Variants in CNTN5 observed in about 807,000 individuals in gnomAD.
CNTN5 encodes the protein contactin 5, also known as contactin-5.
Under a neutral mutation model 129.1 loss-of-function variants are expected in CNTN5, and 77 were observed. The ratio of observed to expected loss-of-function variants is 0.60; its 90% CI spans 0.50 to 0.72. The LOEUF (loss-of-function observed/expected upper bound fraction) is 0.72. Among genes scored for constraint, CNTN5 ranks in the 30% least tolerant of loss-of-function variants. CNTN5 has a pLI of 0.00. For missense variants in CNTN5, 1,478 were observed against 1,328.8 expected, an observed-to-expected ratio of 1.11 and a Z score of -1.75; for synonymous variants, 509 against 465.6, an observed-to-expected ratio of 1.09 and a Z score of -1.20.
intron 13 of CNTN5, among the ~76,000 whole-genome samples, chr11:100,080,512 C>G (rs1193395995): frequency 6.6e-6 from 1 of 152,128 alleles, no homozygotes; most frequent in Non-Finnish European, 1.5e-5. Context: ...CATACTGACT[C>G]AGAGACATAT....
intron 7 of CNTN5, among the ~76,000 whole-genome samples, chr11:99,932,056 T>A (rs923508256): frequency 1.3e-5 from 2 of 152,246 alleles, no homozygotes; most frequent in Admixed American, 6.5e-5. Flanking sequence ...CATTTGACTA[T>A]GAAGCACCTA....
chr11:99,910,848 G>T (rs764761154), intron 6 of CNTN5, among the ~76,000 whole-genome samples: 7 of 152,026 alleles, frequency 4.6e-5, no homozygotes, highest in Admixed American at 1.3e-4. Flanking sequence ...TAGGGTATTT[G>T]CATGGAATGC....
At chr11:99,720,096 A>C (rs1943120703) in intron 3 of CNTN5, among the ~76,000 whole-genome samples, 1 of 152,168 alleles carries the variant, frequency 6.6e-6, no homozygotes, top group East Asian at 1.9e-4. Context: ...GAATTCTACC[A>C]GATGTACAAA....
intron 2 of CNTN5, among the ~76,000 whole-genome samples, chr11:99,515,817 T>C (rs1327958519): frequency 6.6e-6 from 1 of 152,014 alleles, no homozygotes; most frequent in Non-Finnish European, 1.5e-5. Flanking sequence ...AGCTGATATA[T>C]AGTAAATATT....
Position 99,471,740 on chromosome 11 carries a change from G to C in CNTN5, c.-70-84405G>C, listed in dbSNP as rs1333498553. Among the ~76,000 whole-genome samples, 4 of 151,948 alleles carry C rather than the reference G, an allele frequency of 2.6e-5. No homozygotes were observed. The East Asian group carries it at 5.8e-4, about 22-fold the overall frequency. ...AAGATGGGCCATGCATTGGTAATAA[G>C]TTTTGTGTTCTTCAATAGCATTTTG... On this transcript the variant is annotated intron_variant, in intron 2 of 24. Coordinates refer to ENST00000524871, the MANE Select transcript of CNTN5 (RefSeq NM_014361.4).
intron 15 of CNTN5, among the ~76,000 whole-genome samples, chr11:100,211,390 A>C (rs1408276774): frequency 6.6e-6 from 1 of 152,150 alleles, no homozygotes; most frequent in African/African-American, 2.4e-5. Flanking sequence ...TAATGTATGA[A>C]GAACGATGTC....
At chr11:99,736,855 GTTCT>G (rs1342419340) in intron 3 of CNTN5, among the ~76,000 whole-genome samples, 3 of 151,958 alleles carry the variant, frequency 2.0e-5, no homozygotes, top group Non-Finnish European at 4.4e-5. Context: ...CTTGTATACA[GTTCT>G]TTCTATCACC....
intron 6 of CNTN5, among the ~76,000 whole-genome samples, chr11:99,875,171 T>C (rs1214178488): frequency 6.6e-6 from 1 of 152,214 alleles, no homozygotes; most frequent in Non-Finnish European, 1.5e-5. Context: ...TGAAAATCTT[T>C]GTTCTAACAG....
intron 13 of CNTN5, among the ~76,000 whole-genome samples, chr11:100,077,836 CA>C (rs889063947): frequency 1.3e-5 from 2 of 151,062 alleles, no homozygotes; most frequent in Non-Finnish European, 2.9e-5. Flanking sequence ...AACCCTGTCT[CA>C]AAAATATAAT....
At chr11:99,157,127 A>G (rs1860375220) in intron 1 of CNTN5, among the ~76,000 whole-genome samples, 1 of 152,042 alleles carries the variant, frequency 6.6e-6, no homozygotes, top group Non-Finnish European at 1.5e-5. Context: ...TTTATCTTAA[A>G]AGTCATTGGG....
At chr11:99,790,239 G>C (rs1047561324) in intron 3 of CNTN5, among the ~76,000 whole-genome samples, 1 of 152,028 alleles carries the variant, frequency 6.6e-6, no homozygotes, top group Non-Finnish European at 1.5e-5. Flanking sequence ...GAAGTAAATT[G>C]TGTTTCATAG....
intron 8 of CNTN5, among the ~76,000 whole-genome samples, chr11:100,001,181 G>A (rs1466772297): frequency 1.3e-5 from 2 of 152,166 alleles, no homozygotes; most frequent in Non-Finnish European, 2.9e-5. Context: ...ACATGAAAAG[G>A]ACTCAGAAAA....
intron 6 of CNTN5, among the ~76,000 whole-genome samples, chr11:99,874,613 T>C (rs1948587745): frequency 6.6e-6 from 1 of 152,210 alleles, no homozygotes; most frequent in Non-Finnish European, 1.5e-5. Context: ...ATTTGTTAGT[T>C]GGAATACTTT....
intron 1 of CNTN5, among the ~76,000 whole-genome samples, chr11:99,136,913 T>C (rs896235664): frequency 6.6e-6 from 1 of 152,126 alleles, no homozygotes; most frequent in Non-Finnish European, 1.5e-5. Context: ...GACTCCCATA[T>C]GGAAAACATA....
chr11:100,229,323 AG>A (rs1199051515), intron 16 of CNTN5, among the ~76,000 whole-genome samples: 3 of 152,212 alleles, frequency 2.0e-5, no homozygotes, highest in Admixed American at 2.0e-4. Flanking sequence ...TATCATCATA[AG>A]ATAGATAATG....
chr11:100,324,762 G>A (rs1044368179), intron 21 of CNTN5, among the ~76,000 whole-genome samples: 1 of 152,116 alleles, frequency 6.6e-6, no homozygotes, highest in Non-Finnish European at 1.5e-5. Context: ...AATTTATTCA[G>A]TAACTAATAT....
intron 1 of CNTN5, among the ~76,000 whole-genome samples, chr11:99,309,739 C>T (rs750837380): frequency 1.3e-4 from 20 of 152,058 alleles, no homozygotes; most frequent in African/African-American, 2.7e-4. Context: ...TCCAAAATTC[C>T]CTACGATGGT....
At chr11:99,294,649 C>A (rs1017355119) in intron 1 of CNTN5, among the ~76,000 whole-genome samples, 39 of 152,128 alleles carry the variant, frequency 2.6e-4, no homozygotes, top group African/African-American at 9.2e-4. Flanking sequence ...GTTTACAAAA[C>A]TGTAAACATG....
intron 16 of CNTN5, among the ~76,000 whole-genome samples, chr11:100,240,102 G>A (rs1005321086): frequency 1.3e-5 from 2 of 152,150 alleles, no homozygotes; most frequent in South Asian, 2.1e-4. Context: ...GCTCACAGAT[G>A]TTAAGTCAAG....
Sources: allele counts gnomAD v4.1 joint callset (sites outside exome capture counted in the v4.1 genomes callset), GRCh38; gene constraint gnomAD v4.1.1; transcripts MANE v1.5; gene names NCBI Gene and HGNC (gene_info 2026-07-23, HGNC 2026-07-21).